Variants in FBXL5 observed in about 807,000 individuals in gnomAD.
FBXL5 encodes F-box and leucine rich repeat protein 5.
Under a neutral mutation model 78.3 loss-of-function variants are expected in FBXL5, and 26 were observed. That is an observed-to-expected ratio of 0.33 (90% CI 0.24 to 0.46). The LOEUF (loss-of-function observed/expected upper bound fraction) is 0.46, where lower values mean the gene tolerates loss of function less well. Ranked by LOEUF, FBXL5 falls within the 20% of genes least tolerant of loss-of-function variation. The pLI, the probability that FBXL5 is intolerant of heterozygous loss-of-function variation, is 1.00. For missense variants in FBXL5, 710 were observed against 829.2 expected (o/e 0.86, Z 1.77); for synonymous variants, 295 against 282.5 (o/e 1.04, Z -0.45).
At chr4:15,676,626 A>G (rs2148826068) in intron 1 of FBXL5, among the ~76,000 whole-genome samples, 1 of 152,270 alleles carries the variant, frequency 6.6e-6, no homozygotes, top group South Asian at 2.1e-4. Context: ...ACAGGGTCAT[A>G]CATTTCCTTC....
chr4:15,644,358 G>A, intron 2 of FBXL5, 135 bp downstream of exon 2: 1 of 703,152 alleles, frequency 1.4e-6, no homozygotes, highest in Non-Finnish European at 2.4e-6. Context: ...AGTCTTCCTT[G>A]CCATCTTTAA....
chr4:15,635,878 A>C (rs1714203384), intron 5 of FBXL5, among the ~76,000 whole-genome samples: 1 of 152,082 alleles, frequency 6.6e-6, no homozygotes, highest in South Asian at 2.1e-4. Context: ...ATGAAAAGAA[A>C]ATTTTCTTTA....
intron 1 of FBXL5, among the ~76,000 whole-genome samples, chr4:15,649,215 C>CA (rs1715668397): frequency 6.6e-6 from 1 of 152,060 alleles, no homozygotes; most frequent in African/African-American, 2.4e-5. Context: ...CTACCCAACT[C>CA]AGTTTTTCTC....
chr4:15,656,352 TAGAG>T (rs995768158), upstream of FBXL5: 4 of 451,066 alleles, frequency 8.9e-6, no homozygotes, highest in African/African-American at 2.0e-5. Context: ...GCTGGACAGA[TAGAG>T]AAATAGGAGA....
upstream of FBXL5, among the ~76,000 whole-genome samples, chr4:15,660,082 A>T (rs1349004837): frequency 1.4e-5 from 2 of 140,516 alleles, no homozygotes; most frequent in South Asian, 2.3e-4. Flanking sequence ...TACCCCTGAC[A>T]TTTTTTTTTT....
At chr4:15,637,578 G>A (rs1317098341) in intron 4 of FBXL5, among the ~76,000 whole-genome samples, 5 of 152,234 alleles carry the variant, frequency 3.3e-5, no homozygotes, top group Admixed American at 6.5e-5. Flanking sequence ...CTTTGAAGGA[G>A]TGGGAAAATA....
chr4:15,656,229 C>G (rs1466049854), upstream of FBXL5: 1 of 456,226 alleles, frequency 2.2e-6, no homozygotes, highest in East Asian at 7.0e-5. Context: ...GGTCACTAAC[C>G]CAGGAAAATG....
upstream of FBXL5, among the ~76,000 whole-genome samples, chr4:15,662,686 C>G (rs1717368265): frequency 4.6e-5 from 7 of 152,224 alleles, no homozygotes; most frequent in South Asian, 1.5e-3. Context: ...CAATATCATT[C>G]TAGAGGTAGT....
At chr4:15,643,161 C>T (rs1378872598) in intron 2 of FBXL5, among the ~76,000 whole-genome samples, 7 of 152,128 alleles carry the variant, frequency 4.6e-5, no homozygotes, top group African/African-American at 1.7e-4. Context: ...CTACCCCAAC[C>T]AAACCTCCCA....
intron 3 of FBXL5, among the ~76,000 whole-genome samples, chr4:15,640,053 T>C (rs1223798487): frequency 6.6e-6 from 1 of 152,220 alleles, no homozygotes; most frequent in African/African-American, 2.4e-5. Context: ...TTTGTTTATT[T>C]GTTTGGAGAC....
In FBXL5 at chr4:15,624,644, T is replaced by C. The variant is rs368849381; in HGVS notation, c.1850+608A>G. ...CGGTTTAATCTGCTGAAGATTATGCTTATTAAAAAAAAAAACAGAAAAGAA... is the reference window on the plus strand; with the variant it reads ...CGGTTTAATCTGCTGAAGATTATGCCTATTAAAAAAAAAAACAGAAAAGAA... On this transcript the variant is annotated intron_variant, in intron 9 of 10. Transcript: ENST00000341285. Among the ~76,000 whole-genome samples the C allele has an allele frequency of 7.9e-5, 12 of 151,750 alleles. No homozygotes were observed. In the East Asian group the frequency reaches 2.1e-3, roughly 27 times the overall value.
upstream of FBXL5, among the ~76,000 whole-genome samples, chr4:15,661,471 CTT>C (rs1337851846): frequency 1.3e-5 from 2 of 152,140 alleles, no homozygotes; most frequent in African/African-American, 4.8e-5. Flanking sequence ...ATGATGTTCT[CTT>C]TGGTCTCTGC....
upstream of FBXL5, among the ~76,000 whole-genome samples, chr4:15,656,930 A>G (rs912618112): frequency 3.3e-5 from 5 of 150,104 alleles, no homozygotes; most frequent in Admixed American, 6.7e-5. Flanking sequence ...TCTGTCATAT[A>G]AATCTGGATC....
intron 1 of FBXL5, among the ~76,000 whole-genome samples, chr4:15,654,900 T>C (rs1011385707): frequency 6.6e-6 from 1 of 151,916 alleles, no homozygotes; most frequent in African/African-American, 2.4e-5. Context: ...AGCGCGGCGG[T>C]GGGGCCGGCC....
intron 10 of FBXL5, 77 bp downstream of exon 10, chr4:15,612,189 T>TG: frequency 8.4e-7 from 1 of 1,195,516 alleles, no homozygotes; most frequent in Non-Finnish European, 1.1e-6. Context: ...GAAAACTAAA[T>TG]GGAAAAATTA....
chr4:15,622,263 T>C (rs1220166481), intron 9 of FBXL5, among the ~76,000 whole-genome samples: 3 of 152,234 alleles, frequency 2.0e-5, no homozygotes, highest in East Asian at 1.9e-4. Context: ...TTTCTATTCC[T>C]ATAAATTAAG....
chr4:15,679,518 C>T (rs1017121813), intron 1 of FBXL5, among the ~76,000 whole-genome samples: 1 of 148,512 alleles, frequency 6.7e-6, no homozygotes, highest in Non-Finnish European at 1.5e-5. Flanking sequence ...TCTAAATATC[C>T]TTGAATCTAT....
At chr4:15,643,395 A>G (rs1715083985) in intron 2 of FBXL5, among the ~76,000 whole-genome samples, 1 of 152,242 alleles carries the variant, frequency 6.6e-6, no homozygotes, top group Non-Finnish European at 1.5e-5. Flanking sequence ...AAATAAACTA[A>G]GATCAAATTT....
At chr4:15,608,786 G>A (rs1722051262) in intron 10 of FBXL5, among the ~76,000 whole-genome samples, 1 of 151,940 alleles carries the variant, frequency 6.6e-6, no homozygotes, top group African/African-American at 2.4e-5. Flanking sequence ...CTATGATAAG[G>A]TAAATAATAA....
Sources: allele counts gnomAD v4.1 joint callset (sites outside exome capture counted in the v4.1 genomes callset), GRCh38; gene constraint gnomAD v4.1.1; transcripts MANE v1.5; gene names NCBI Gene and HGNC (gene_info 2026-07-23, HGNC 2026-07-21).